FAM50A: variants seen among roughly 807,000 people sequenced by gnomAD.
FAM50A encodes family with sequence similarity 50 member A.
FAM50A carries 6 observed loss-of-function variants against 35.5 expected under a neutral mutation model. That is an observed-to-expected ratio of 0.17 (90% CI 0.09 to 0.33). The LOEUF (loss-of-function observed/expected upper bound fraction) is 0.33, where lower values mean the gene tolerates loss of function less well. Among genes scored for constraint, FAM50A ranks in the 10% least tolerant of loss-of-function variants. The pLI is 1.00. For missense variants in FAM50A, 145 were observed against 295.5 expected, an observed-to-expected ratio of 0.49 and a Z score of 3.73; for synonymous variants, 120 against 110.9, an observed-to-expected ratio of 1.08 and a Z score of -0.52.
At chrX:154,446,902 C>A (rs1364377778) in intron 4 of FAM50A, among the ~76,000 whole-genome samples, 1 of 112,662 alleles carries the variant, frequency 8.9e-6, no homozygotes, top group Non-Finnish European at 1.9e-5. Flanking sequence ...TAGTCAGACA[C>A]TGCAGGTCTC....
chrX:154,446,509 G>A lies in FAM50A; in HGVS notation c.391G>A (p.Gly131Ser). The A allele has an allele frequency of 8.3e-7, 1 of 1,200,512 alleles. No individual in the cohort carries two copies. The highest frequency in any genetic ancestry group is 1.1e-6 in the Non-Finnish European group (1 of 887,312). ...SFTLEEEEEGGEEEEEAAMYE... is the reference protein window; with the variant it reads ...SFTLEEEEEGSEEEEEAAMYE... ...CACCCTGGAGGAGGAAGAAGAGGGA[G>A]GCGAGGAGGAAGAGGAGGCGGCCAT... The change falls in exon 4 of 13, where the codon GGC (glycine) becomes AGC (serine). Residue 131 changes from glycine to serine, a missense_variant. By Grantham distance (56) the Gly-to-Ser change is moderately conservative. Coordinates refer to ENST00000393600, the MANE Select transcript of FAM50A (RefSeq NM_004699.4).
chrX:154,448,686 C>T lies in FAM50A; in HGVS notation c.520-4C>T. On this transcript the variant is annotated splice_polypyrimidine_tract_variant and splice_region_variant and intron_variant, in intron 5 of 12. Transcript: ENST00000393600. ...CTCACCTGTCTGCCTGCTCCCTCTCCCAGGAGGAGGAGAATCGGCTTCGGG... is the reference window on the plus strand; with the variant it reads ...CTCACCTGTCTGCCTGCTCCCTCTCTCAGGAGGAGGAGAATCGGCTTCGGG... The T allele has an allele frequency of 8.3e-7, 1 of 1,210,015 alleles. No homozygotes were observed. Among genetic ancestry groups the T allele is most frequent in the South Asian group, 1.8e-5 (1 of 56,920 alleles).
At chrX:154,449,959 A>G (rs1557200350) in intron 10 of FAM50A, 28 bp downstream of exon 10, 2 of 1,210,196 alleles carry the variant, frequency 1.7e-6, no homozygotes, top group Admixed American at 2.2e-5. Context: ...AGCCGCCCCC[A>G]TAGCACCTTG....
intron 3 of FAM50A, 83 bp from the exon 4 acceptor site, chrX:154,446,332 A>G (rs2148232111): frequency 2.1e-6 from 2 of 954,354 alleles, no homozygotes; most frequent in East Asian, 6.1e-5. Context: ...CATAGGGCAC[A>G]CAGGTGGCTC....
intron 4 of FAM50A, 138 bp downstream of exon 4, chrX:154,446,698 C>A: frequency 1.1e-6 from 1 of 904,470 alleles, no homozygotes. Context: ...CACAGTAGAC[C>A]GGGGAGGGAA....
Position 154,449,378 on chromosome X carries a change from G to T in FAM50A, c.725+81G>T. On this transcript the variant is annotated intron_variant, in intron 8 of 12. Transcript: ENST00000393600. ...GGGTGCCAGACACCCAGTGTGATGT[G>T]GGCGCTGTCTGGGCAAGCAAGCAGC... 2.4e-5 allele frequency: 20 copies of T among 839,482 alleles called. 1 individual carries two copies. Among genetic ancestry groups the T allele is most frequent in the Non-Finnish European group, 3.6e-5 (20 of 559,268 alleles). 69.2% of individuals were successfully genotyped at this position (839,482 alleles called of 1,213,427 possible).
At chrX:154,448,035 T>C (rs782819534) in intron 4 of FAM50A, among the ~76,000 whole-genome samples, 167 of 108,775 alleles carry the variant, frequency 1.5e-3, no homozygotes, top group Non-Finnish European at 2.9e-3. Flanking sequence ...AGAGTTTAGA[T>C]TTGTCTTTTT....
intron 4 of FAM50A, 125 bp downstream of exon 4, chrX:154,446,685 G>A (rs2068783900): frequency 9.5e-6 from 9 of 949,923 alleles, no homozygotes; most frequent in African/African-American, 2.0e-5. Context: ...TTGAGGCACC[G>A]CGCACAGTAG....
At chrX:154,446,178 A>G in intron 3 of FAM50A, 2 of 447,778 alleles carry the variant, frequency 4.5e-6, no homozygotes, top group Non-Finnish European at 7.9e-6. Flanking sequence ...CGTTCTCCCC[A>G]TTGCCAGCCT....
At chrX:154,444,679 C>T (rs2068774876) in intron 1 of FAM50A, 1 of 127,396 alleles carries the variant, frequency 7.8e-6, no homozygotes, top group African/African-American at 3.2e-5. Flanking sequence ...AGCGTCCTGG[C>T]TCTGGCCCCT....
rs782459914 is a variant in FAM50A at position 154,450,456 on chromosome X, C to T, written c.*24C>T. 34 of 1,204,415 alleles carry T rather than the reference C, an allele frequency of 2.8e-5. No individual in the cohort carries two copies. Among genetic ancestry groups the T allele is most frequent in the South Asian group, 2.1e-4 (12 of 56,483 alleles). ...GAGCATCCAGGAGGCTGCGCGGCCC[C>T]GGCTCCTCAGCTCCCTCAGTGTGCC... On this transcript the variant is annotated 3_prime_UTR_variant, in exon 13 of 13. Coordinates refer to ENST00000393600, the MANE Select transcript of FAM50A (RefSeq NM_004699.4).
At chrX:154,448,268 A>G (rs984461228) in intron 4 of FAM50A, among the ~76,000 whole-genome samples, 3 of 107,011 alleles carry the variant, frequency 2.8e-5, no homozygotes, top group African/African-American at 1.0e-4. Context: ...AGGTCTTGCT[A>G]TGTTGCCCAT....
In FAM50A at chrX:154,446,488, C is replaced by T. The variant is rs1557199832; in HGVS notation, c.370C>T (p.Leu124=). The T allele has an allele frequency of 8.3e-7, 1 of 1,206,063 alleles. No homozygotes were observed. The highest frequency in any genetic ancestry group is 3.0e-5 in the East Asian group (1 of 33,720). The change falls in exon 4 of 13, where the codon CTG becomes TTG. Residue 124 remains leucine (L), a synonymous_variant. Transcript: ENST00000393600. Reference sequence around the variant, plus strand: ...GAAGATCTCCAGCCTGTCCTTCACCCTGGAGGAGGAAGAAGAGGGAGGCGA... The same window carrying T: ...GAAGATCTCCAGCCTGTCCTTCACCTTGGAGGAGGAAGAAGAGGGAGGCGA... ...KRKISSLSFT[L]EEEEEGGEEE...
At chrX:154,445,600 G>T (rs1020244402) in intron 1 of FAM50A, 33 bp from the exon 2 acceptor site, 27 of 1,105,971 alleles carry the variant, frequency 2.4e-5, no homozygotes, top group Admixed American at 4.4e-5. Flanking sequence ...CACAGTGAGG[G>T]GTGGTTCTCA....
rs781954626 is a variant in FAM50A, at chrX:154,450,186, C to T, written c.901-23C>T. ...AGGGAAGGGGAGGTCAGCAGGCGGCCCTGTGCCCTCTTCCTCCCTTAGTCC... is the reference window on the plus strand; with the variant it reads ...AGGGAAGGGGAGGTCAGCAGGCGGCTCTGTGCCCTCTTCCTCCCTTAGTCC... On this transcript the variant is annotated intron_variant, in intron 11 of 12. Transcript: ENST00000393600. 609 of 1,201,961 alleles carry T rather than the reference C, an allele frequency of 5.1e-4. 3 individuals are homozygous for T. The South Asian group carries it at 0.01, about 20-fold the overall frequency.
At chrX:154,448,985 C>T (rs782225015) in intron 7 of FAM50A, 31 bp downstream of exon 7, 1 of 1,165,074 alleles carries the variant, frequency 8.6e-7, no homozygotes, top group East Asian at 3.0e-5. Flanking sequence ...TTCCTGCTCA[C>T]CATGGGCCCA....
At chrX:154,446,009 C>T in intron 3 of FAM50A, 98 bp downstream of exon 3, 1 of 611,668 alleles carries the variant, frequency 1.6e-6, no homozygotes, top group East Asian at 3.6e-5. Context: ...ACCCTGTCTC[C>T]AGCTTTGGGA....
At chrX:154,450,400 C>T (rs1557200423) in intron 12 of FAM50A, 24 bp from the exon 13 acceptor site, 1 of 1,211,493 alleles carries the variant, frequency 8.3e-7, no homozygotes, top group Admixed American at 2.2e-5. Flanking sequence ...CTTGTCTCCT[C>T]TGCCCACCTT....
At chrX:154,450,005 T>C in intron 10 of FAM50A, 24 bp from the exon 11 acceptor site, 1 of 1,210,233 alleles carries the variant, frequency 8.3e-7, no homozygotes, top group African/African-American at 1.7e-5. Flanking sequence ...AGCGGGACAT[T>C]GGGCTGTCAC....
Sources: allele counts gnomAD v4.1 joint callset (sites outside exome capture counted in the v4.1 genomes callset), GRCh38; gene constraint gnomAD v4.1.1; transcripts MANE v1.5; gene names NCBI Gene and HGNC (gene_info 2026-07-23, HGNC 2026-07-21).